KIAA1217: variants seen among roughly 807,000 people sequenced by gnomAD.
KIAA1217 encodes the protein KIAA1217, also known as sickle tail protein homolog.
In KIAA1217, 88 loss-of-function variants were observed where a neutral mutation model predicts 163.9. The observed-to-expected ratio is 0.54, with a 90% CI of 0.45 to 0.64. KIAA1217 has a LOEUF of 0.64. KIAA1217 is among the 30% of genes least tolerant of loss of function. KIAA1217 has a pLI of 0.00. For missense variants in KIAA1217, 2,372 were observed against 2,475.0 expected (o/e 0.96, Z 0.88); for synonymous variants, 903 against 923.1 (o/e 0.98, Z 0.39).
At chr10:23,914,887 T>A (rs993037216) in intron 1 of KIAA1217, among the ~76,000 whole-genome samples, 1 of 152,126 alleles carries the variant, frequency 6.6e-6, no homozygotes, top group Non-Finnish European at 1.5e-5. Context: ...ACTGTGGACA[T>A]TTGTAGATGC....
At chr10:24,462,657 C>T (rs1243143201) in intron 5 of KIAA1217, among the ~76,000 whole-genome samples, 3 of 152,102 alleles carry the variant, frequency 2.0e-5, no homozygotes, top group Non-Finnish European at 4.4e-5. Flanking sequence ...TTCTGGAGCC[C>T]ATGAAATGTC....
chr10:24,143,545 G>A (rs2064176262), intron 2 of KIAA1217, among the ~76,000 whole-genome samples: 1 of 152,150 alleles, frequency 6.6e-6, no homozygotes. Context: ...TTACAGGCAT[G>A]AGCTACCAGG....
At chr10:24,310,173 A>G (rs1451805202) in intron 2 of KIAA1217, among the ~76,000 whole-genome samples, 1 of 152,236 alleles carries the variant, frequency 6.6e-6, no homozygotes, top group Non-Finnish European at 1.5e-5. Context: ...TTAATCTACC[A>G]AACAAATGGC....
At chr10:23,957,063 C>G (rs1411180054) in intron 1 of KIAA1217, among the ~76,000 whole-genome samples, 1 of 152,186 alleles carries the variant, frequency 6.6e-6, no homozygotes, top group Non-Finnish European at 1.5e-5. Flanking sequence ...TGCCATTCCC[C>G]TTCCTTTGAA....
Position 24,546,102 on chromosome 10 carries a change from A to G in KIAA1217, c.5610A>G (p.Thr1870=). The G allele has an allele frequency of 6.2e-7, 1 of 1,614,154 alleles. No homozygotes were observed. The highest frequency in any genetic ancestry group is 8.5e-7 in the Non-Finnish European group (1 of 1,180,034). ...GSLKFQSLTH[T]GKGHHLSFSP... ...TGAAGTTTCAGAGCCTCACTCATAC[A>G]GGTAAAGGTCACCATCTTTCATTCT... The change falls in exon 21 of 21, where the codon ACA becomes ACG. Residue 1870 remains threonine (T), a synonymous_variant. Transcript: ENST00000376454.
intron 1 of KIAA1217, among the ~76,000 whole-genome samples, chr10:23,796,849 T>C (rs1341456431): frequency 1.3e-5 from 2 of 152,006 alleles, no homozygotes; most frequent in South Asian, 2.1e-4. Context: ...TATGTATGTA[T>C]ACATACATAC....
intron 1 of KIAA1217, among the ~76,000 whole-genome samples, chr10:23,929,941 C>CT (rs1421817338): frequency 6.6e-6 from 1 of 152,012 alleles, no homozygotes; most frequent in African/African-American, 2.4e-5. Flanking sequence ...AAGCATTCCT[C>CT]TTTTTTTGGG....
At chr10:24,531,791 G>A (rs1279657838) in intron 14 of KIAA1217, 39 bp from the exon 15 acceptor site, 1 of 1,509,410 alleles carries the variant, frequency 6.6e-7, no homozygotes, top group African/African-American at 1.4e-5. Flanking sequence ...ATGTTTTCTT[G>A]AAAAAAGATT....
chr10:24,320,621 A>G (rs2044012896), intron 2 of KIAA1217, among the ~76,000 whole-genome samples: 1 of 152,236 alleles, frequency 6.6e-6, no homozygotes, highest in South Asian at 2.1e-4. Flanking sequence ...TGGCTGAGAA[A>G]ACACTGTCAT....
chr10:24,041,388 T>A (rs556883192), intron 2 of KIAA1217, among the ~76,000 whole-genome samples: 33 of 152,240 alleles, frequency 2.2e-4, no homozygotes, highest in Admixed American at 5.9e-4. Context: ...TTGAACACAT[T>A]TGATTTTTAC....
chr10:23,741,328 C>T (rs7901129), intron 1 of KIAA1217, among the ~76,000 whole-genome samples: 50,831 of 152,006 alleles, frequency 0.33, 10,863 homozygotes, highest in African/African-American at 0.61. Context: ...CTCAAGTCAC[C>T]GTAGGATGGC....
intron 1 of KIAA1217, among the ~76,000 whole-genome samples, chr10:23,761,096 T>A (rs1194459853): frequency 1.3e-5 from 2 of 151,674 alleles, no homozygotes; most frequent in Non-Finnish European, 2.9e-5. Context: ...CAAAAAAAAA[T>A]TAAAATGAAA....
intron 1 of KIAA1217, among the ~76,000 whole-genome samples, chr10:23,732,159 C>A (rs1393894350): frequency 6.6e-6 from 1 of 151,888 alleles, no homozygotes; most frequent in Non-Finnish European, 1.5e-5. Context: ...TTGTAAAGAG[C>A]TCGTGTAATT....
At chr10:24,204,640 G>C (rs2130546369), upstream of KIAA1217, among the ~76,000 whole-genome samples, 1 of 151,720 alleles carries the variant, frequency 6.6e-6, no homozygotes, top group Admixed American at 6.5e-5. Context: ...GGACAGTCGT[G>C]GTGTCTTATT....
rs141823639 is a variant in KIAA1217 at position 24,407,416 on chromosome 10, C to T, written c.554-25579C>T. ...TCAAGCAATCCTCCTGCCTCAGCCT[C>T]CCAAGTAGCTGGGACCAGAGATTCA... On this transcript the variant is annotated intron_variant, in intron 3 of 20. Coordinates refer to ENST00000376454, the MANE Select transcript of KIAA1217 (RefSeq NM_019590.5). Among the ~76,000 whole-genome samples the T allele has an allele frequency of 6.3e-3, 962 of 152,240 alleles. 10 individuals are homozygous for T. Among genetic ancestry groups the T allele is most frequent in the African/African-American group, 0.022 (913 of 41,548 alleles).
At chr10:23,880,303 T>C (rs919790891) in intron 1 of KIAA1217, among the ~76,000 whole-genome samples, 3 of 151,846 alleles carry the variant, frequency 2.0e-5, no homozygotes, top group African/African-American at 7.3e-5. Flanking sequence ...TGCAACAACA[T>C]GGATGGAACT....
At chr10:23,930,336 T>A (rs1589098252) in intron 1 of KIAA1217, among the ~76,000 whole-genome samples, 4 of 152,316 alleles carry the variant, frequency 2.6e-5, no homozygotes, top group Admixed American at 2.6e-4. Flanking sequence ...AATGTCAACC[T>A]TCTATAACAT....
At chr10:24,371,323 A>AG in intron 2 of KIAA1217, among the ~76,000 whole-genome samples, 1 of 152,210 alleles carries the variant, frequency 6.6e-6, no homozygotes, top group Non-Finnish European at 1.5e-5. Context: ...AGGGAAAAAA[A>AG]AGAATACTGT....
At chr10:24,427,824 T>A (rs1038564944) in intron 3 of KIAA1217, among the ~76,000 whole-genome samples, 1 of 152,192 alleles carries the variant, frequency 6.6e-6, no homozygotes. Context: ...ATCATGCCAA[T>A]AAAACGCCAT....
Sources: gnomAD v4.1 joint callset for allele counts (sites outside exome capture counted in the v4.1 genomes callset) on GRCh38, gnomAD v4.1.1 for gene constraint, MANE v1.5 for transcripts, NCBI Gene and HGNC (gene_info 2026-07-23, HGNC 2026-07-21) for gene names.